Variants in PBX3 observed in about 807,000 individuals in gnomAD.
PBX3 encodes the protein pre-B-cell leukemia transcription factor 3.
PBX3 carries 14 observed loss-of-function variants against 48.5 expected under a neutral mutation model. That is an observed-to-expected ratio of 0.29 (90% confidence interval 0.19 to 0.45). The LOEUF is 0.45. Among genes scored for constraint, PBX3 ranks in the 20% least tolerant of loss-of-function variants. PBX3 has a pLI of 1.00. For missense variants in PBX3, 386 were observed against 546.7 expected, an observed-to-expected ratio of 0.71 and a Z score of 2.93; for synonymous variants, 210 against 200.3, an observed-to-expected ratio of 1.05 and a Z score of -0.41.
intron 2 of PBX3, among the ~76,000 whole-genome samples, chr9:125,871,938 CTG>C (rs1840135165): frequency 6.6e-6 from 1 of 152,102 alleles, no homozygotes; most frequent in African/African-American, 2.4e-5. Flanking sequence ...GGATGATGCT[CTG>C]TGGTCTTTTT....
intron 2 of PBX3, among the ~76,000 whole-genome samples, chr9:125,837,075 A>C (rs1173640468): frequency 6.6e-6 from 1 of 152,216 alleles, no homozygotes; most frequent in Admixed American, 6.5e-5. Flanking sequence ...ATATGTGTTC[A>C]GAGATACTTG....
At chr9:125,774,287 A>G (rs965363122) in intron 2 of PBX3, among the ~76,000 whole-genome samples, 1 of 152,204 alleles carries the variant, frequency 6.6e-6, no homozygotes, top group Non-Finnish European at 1.5e-5. Context: ...AATCCCATCC[A>G]TCACCCAGTC....
intron 5 of PBX3, among the ~76,000 whole-genome samples, chr9:125,942,739 GACC>G (rs1588322591): frequency 1.3e-5 from 2 of 152,296 alleles, no homozygotes; most frequent in East Asian, 3.9e-4. Context: ...GAAGGCTACA[GACC>G]CTCTGTTCTA....
chr9:125,820,866 T>C (rs73667086), intron 2 of PBX3, among the ~76,000 whole-genome samples: 5,964 of 152,292 alleles, frequency 0.039, 408 homozygotes, highest in African/African-American at 0.14. Context: ...AGTTGTAAAC[T>C]CTGAAAAATG....
At chr9:125,782,331 A>G (rs938433537) in intron 2 of PBX3, among the ~76,000 whole-genome samples, 1 of 152,142 alleles carries the variant, frequency 6.6e-6, no homozygotes, top group African/African-American at 2.4e-5. Context: ...CCATGATTCA[A>G]TTACGTCCCA....
chr9:125,943,971 T>G (rs1030836791), intron 5 of PBX3, among the ~76,000 whole-genome samples: 1 of 152,220 alleles, frequency 6.6e-6, no homozygotes, highest in Non-Finnish European at 1.5e-5. Context: ...TCCCTTCCCA[T>G]CTGCCGCCAG....
chr9:125,909,080 AT>A (rs1841143711), intron 2 of PBX3, among the ~76,000 whole-genome samples: 1 of 152,128 alleles, frequency 6.6e-6, no homozygotes, highest in South Asian at 2.1e-4. Context: ...ATGCAGCTCC[AT>A]TTAACAAAAA....
chr9:125,864,977 T>C (rs1408470165), intron 2 of PBX3, among the ~76,000 whole-genome samples: 2 of 152,264 alleles, frequency 1.3e-5, no homozygotes, highest in African/African-American at 2.4e-5. Context: ...CTCATATAGC[T>C]CATTTTGTCT....
intron 2 of PBX3, among the ~76,000 whole-genome samples, chr9:125,885,678 A>T (rs1840482653): frequency 6.6e-6 from 1 of 152,126 alleles, no homozygotes; most frequent in African/African-American, 2.4e-5. Flanking sequence ...GGAAATGTTT[A>T]AAGTGCTGTA....
At chr9:125,834,444 C>A (rs1216769519) in intron 2 of PBX3, among the ~76,000 whole-genome samples, 3 of 151,912 alleles carry the variant, frequency 2.0e-5, no homozygotes, top group African/African-American at 7.3e-5. Flanking sequence ...TCTGTCCAGG[C>A]TGGAGTGCAA....
rs759131706 is a variant in PBX3, at chr9:125,965,898, G to A, written c.1280G>A (p.Ser427Asn). 5 of 1,613,978 alleles carry A rather than the reference G, an allele frequency of 3.1e-6. No individual in the cohort carries two copies. Among genetic ancestry groups the A allele is most frequent in the South Asian group, 1.1e-5 (1 of 91,074 alleles). The change falls in exon 9 of 9, where the codon AGT becomes AAT. Residue 427 changes from serine (S) to asparagine (N), a missense_variant. Ser to Asn is a conservative substitution (Grantham distance 46, BLOSUM62 1). Around this residue, in one of 4 missense-constraint regions of PBX3, gnomAD observed 127 missense variants for 143.3 expected, o/e 0.89. Coordinates refer to ENST00000373489, the MANE Select transcript of PBX3 (RefSeq NM_006195.6). The part of the protein sequence containing the change: ...SVTSPTEGPG[S>N]VHSDTSN ...ACTTCTCCTACAGAAGGCCCAGGAA[G>A]TGTGCACTCGGATACCTCTAACTAA...
At chr9:125,761,768 A>G (rs1836674068) in intron 2 of PBX3, among the ~76,000 whole-genome samples, 1 of 152,144 alleles carries the variant, frequency 6.6e-6, no homozygotes, top group South Asian at 2.1e-4. Flanking sequence ...CACATTTTTA[A>G]CTGTCCCAGT....
At chr9:125,868,114 A>T (rs1469077862) in intron 2 of PBX3, among the ~76,000 whole-genome samples, 2 of 151,278 alleles carry the variant, frequency 1.3e-5, no homozygotes, top group Middle Eastern at 3.2e-3. Context: ...AACTCAAGTG[A>T]TCTGGTCAAC....
intron 2 of PBX3, among the ~76,000 whole-genome samples, chr9:125,802,253 C>T (rs537360147): frequency 6.6e-6 from 1 of 151,788 alleles, no homozygotes; most frequent in East Asian, 1.9e-4. Flanking sequence ...GTTTTTCAGC[C>T]CCTGTCCCCA....
Position 125,768,468 on chromosome 9 carries a change from A to G in PBX3, c.274+19845A>G, listed in dbSNP as rs1329387291. 3.9e-5 allele frequency among the ~76,000 whole-genome samples: 6 copies of G among 152,250 alleles called. 1 individual carries two copies. Among genetic ancestry groups the G allele is most frequent in the Non-Finnish European group, 8.8e-5 (6 of 68,050 alleles). On this transcript the variant is annotated intron_variant, in intron 2 of 8. Coordinates refer to ENST00000373489, the MANE Select transcript of PBX3 (RefSeq NM_006195.6). ...CTTAAAACGTTAAGTTAATTTAAAA[A>G]TTAAAATCATAAATCGATTATGTTA...
chr9:125,813,045 A>C (rs1838341071), intron 2 of PBX3, among the ~76,000 whole-genome samples: 2 of 152,228 alleles, frequency 1.3e-5, no homozygotes, highest in Non-Finnish European at 2.9e-5. Context: ...CTTAGGCTAT[A>C]CTAAATTTAT....
intron 2 of PBX3, among the ~76,000 whole-genome samples, chr9:125,751,569 A>G (rs1047351545): frequency 2.6e-5 from 4 of 152,210 alleles, no homozygotes; most frequent in Non-Finnish European, 1.5e-5. Flanking sequence ...TTGAGAATAT[A>G]TTCTTTCGTA....
chr9:125,911,466 T>G (rs1214810283), intron 2 of PBX3, among the ~76,000 whole-genome samples: 7 of 152,066 alleles, frequency 4.6e-5, no homozygotes, highest in Non-Finnish European at 7.4e-5. Context: ...GCATGTTACT[T>G]TAAAATAACA....
rs540103603 is a variant in PBX3, at chr9:125,791,664, G to A, written c.274+43041G>A. On this transcript the variant is annotated intron_variant, in intron 2 of 8. Transcript: ENST00000373489. Reference sequence around the variant, plus strand: ...GATTTAAGTTTCCTAGGCCGGGCGCGGTGGCTCACGCCTGTAATCCCAGCA... The same window carrying A: ...GATTTAAGTTTCCTAGGCCGGGCGCAGTGGCTCACGCCTGTAATCCCAGCA... 2.6e-4 allele frequency among the ~76,000 whole-genome samples: 39 copies of A among 152,218 alleles called. 1 individual carries two copies. In the South Asian group the frequency reaches 7.3e-3, roughly 28 times the overall value.
Sources: gnomAD v4.1 joint callset for allele counts (sites outside exome capture counted in the v4.1 genomes callset) on GRCh38, gnomAD v4.1.1 for gene constraint, gnomAD v4.1.1 regional missense constraint, MANE v1.5 for transcripts, NCBI Gene and HGNC (gene_info 2026-07-23, HGNC 2026-07-21) for gene names.